Variants in MYG1 observed in about 807,000 individuals in gnomAD.
MYG1 encodes MYG1 exonuclease, also known as UPF0160 protein MYG1, mitochondrial.
MYG1 carries 36 observed loss-of-function variants against 43.5 expected under a neutral mutation model. That is an observed-to-expected ratio of 0.83 (90% CI 0.63 to 1.09). The LOEUF is 1.09. Among genes scored for constraint, MYG1 ranks in the 50% least tolerant of loss-of-function variants. The pLI is 0.00. For synonymous variants in MYG1, 220 were observed against 202.8 expected, an observed-to-expected ratio of 1.08 and a Z score of -0.72; for missense variants, 529 against 495.1, an observed-to-expected ratio of 1.07 and a Z score of -0.65.
At position 53,307,165 on chromosome 12, in the gene MYG1, C is replaced by T. The variant is rs1944294207; in HGVS notation, c.*16C>T. ...AATCTCCTAGTCTAATAAAACCTTC[C>T]ATCTCATACTGACCCAGTCCTTGAC... On this transcript the variant is annotated 3_prime_UTR_variant, in exon 7 of 7. Coordinates refer to ENST00000267103, the MANE Select transcript of MYG1 (RefSeq NM_021640.4). 1.3e-6 allele frequency: 2 copies of T among 1,592,892 alleles called. No homozygotes were observed. Among genetic ancestry groups the T allele is most frequent in the Admixed American group, 1.7e-5 (1 of 57,442 alleles).
intron 3 of MYG1, 200 bp downstream of exon 3, chr12:53,303,393 G>T: frequency 1.8e-6 from 1 of 564,418 alleles, no homozygotes; most frequent in Non-Finnish European, 3.0e-6. Context: ...TGGGGTGGTT[G>T]TGAGAAGTGG....
At position 53,306,842 on chromosome 12, in the gene MYG1, C is replaced by A. The variant is rs1485903091; in HGVS notation, c.928C>A (p.Pro310Thr). Residue 310 changes from proline (P) to threonine (T), a missense_variant, in exon 6 of 7, where the codon CCC becomes ACC. Coordinates refer to ENST00000267103, the MANE Select transcript of MYG1 (RefSeq NM_021640.4). ...QWRIQCVPKE[P>T]HSFQSRLPLP... ...GCGAATACAGTGTGTGCCCAAGGAG[C>A]CCCACTCATTCCAAAGCCGGTGAGG... 1 of 1,613,426 alleles carries A rather than the reference C, an allele frequency of 6.2e-7. No homozygotes were observed. Among genetic ancestry groups the A allele is most frequent in the Non-Finnish European group, 8.5e-7 (1 of 1,179,608 alleles).
chr12:53,304,895 G>A (rs533110437), intron 3 of MYG1, among the ~76,000 whole-genome samples: 3 of 124,168 alleles, frequency 2.4e-5, no homozygotes, highest in Non-Finnish European at 4.8e-5. Flanking sequence ...TTGAGACGGA[G>A]TCTCGCTCTG....
intron 5 of MYG1, 24 bp from the exon 6 acceptor site, chr12:53,306,656 C>A (rs1454812438): frequency 6.2e-7 from 1 of 1,602,238 alleles, no homozygotes. Flanking sequence ...CTTAAACCTT[C>A]TAGCTATGCT....
Position 53,305,981 on chromosome 12 carries a change from G to T in MYG1, c.563G>T (p.Arg188Leu). 5 of 1,614,044 alleles carry T rather than the reference G, an allele frequency of 3.1e-6. No homozygotes were observed. The highest frequency in any genetic ancestry group is 4.2e-6 in the Non-Finnish European group (5 of 1,180,002). ...TCCCAGTGGGCAGAGGGGGAGCCTC[G>T]ATATGCACTGACCACTACCCTGAGT... ...GISQWAEGEP[R>L]YALTTTLSAR... Residue 188 changes from arginine to leucine, a missense_variant, in exon 4 of 7, where the codon CGA becomes CTA. Transcript: ENST00000267103.
rs1944215034 is a variant in MYG1, at chr12:53,300,131, AC to A, written c.217-15del. 1 of 1,575,004 alleles carries A rather than the reference AC, an allele frequency of 6.3e-7. No homozygotes were observed. On this transcript the variant is annotated intron_variant, in intron 1 of 6. Coordinates refer to ENST00000267103, the MANE Select transcript of MYG1 (RefSeq NM_021640.4). The stretch of plus-strand genomic sequence containing the variant: ...CCCGGCGACACCCGGCAGCCCCTTC[AC>A]CCCTGTGTACCTCGCAGGATGCAGA...
chr12:53,304,970 G>A (rs995200007), intron 3 of MYG1, among the ~76,000 whole-genome samples: 3 of 148,196 alleles, frequency 2.0e-5, no homozygotes, highest in African/African-American at 7.5e-5. Context: ...CCAGGTTCAC[G>A]CCATTGTCCT....
rs1407897046 is a variant in MYG1, at chr12:53,306,948, C to T, written c.948-18C>T. 2.5e-6 allele frequency: 4 copies of T among 1,611,622 alleles called. No homozygotes were observed. Among genetic ancestry groups the T allele is most frequent in the Non-Finnish European group, 3.4e-6 (4 of 1,178,588 alleles). On this transcript the variant is annotated intron_variant, in intron 6 of 6. Transcript: ENST00000267103. ...GCTGCCAACTCTGACCCCTGCTGTA[C>T]TCCCTCTTTCTGCCCAGGCTGCCCC... is the stretch of plus-strand genomic sequence containing the variant.
Position 53,300,356 on chromosome 12 carries a change from A to G in MYG1, c.329+94A>G, listed in dbSNP as rs57820124. ...TCCACTGCCGTAGTCCGCGTCAGCGAAAAGAACTGCTTCATCACTGAAATC... is the reference window on the plus strand; with the variant it reads ...TCCACTGCCGTAGTCCGCGTCAGCGGAAAGAACTGCTTCATCACTGAAATC... On this transcript the variant is annotated intron_variant, in intron 2 of 6. Transcript: ENST00000267103. 2.2e-3 allele frequency: 1,994 copies of G among 920,424 alleles called. 23 individuals are homozygous for G. In the African/African-American group the frequency reaches 0.025, roughly 12 times the overall value. 57.0% of individuals were successfully genotyped at this position (920,424 alleles called of 1,614,324 possible).
At position 53,299,753 on chromosome 12, in the gene MYG1, C is replaced by T. The variant is rs1944207306; in HGVS notation, c.16C>T (p.Leu6=). 1.2e-6 allele frequency: 2 copies of T among 1,613,612 alleles called. No individual in the cohort carries two copies. The highest frequency in any genetic ancestry group is 1.7e-6 in the Non-Finnish European group (2 of 1,179,832). The change falls in exon 1 of 7, where the codon CTG becomes TTG. Residue 6 remains leucine (L), a synonymous_variant. Coordinates refer to ENST00000267103, the MANE Select transcript of MYG1 (RefSeq NM_021640.4). MGHQF[L]RGLLTLLLPP... ...GGAGCTGCTTATGGGACACCAATTC[C>T]TGCGCGGCCTCTTAACGCTGCTGCT...
chr12:53,305,164 G>A (rs1028059066), intron 3 of MYG1, among the ~76,000 whole-genome samples: 3 of 152,070 alleles, frequency 2.0e-5, no homozygotes, highest in African/African-American at 7.2e-5. Flanking sequence ...CACCGCGCCC[G>A]GCCTAAACCC....
At chr12:53,305,627 G>A (rs912243570) in intron 3 of MYG1, 2 of 276,556 alleles carry the variant, frequency 7.2e-6, no homozygotes, top group Admixed American at 4.9e-5. Context: ...TTGTTCAAAA[G>A]TTAGCAGTCC....
intron 1 of MYG1, 82 bp downstream of exon 1, chr12:53,300,035 C>T (rs1431396264): frequency 4.5e-6 from 7 of 1,561,230 alleles, no homozygotes; most frequent in Non-Finnish European, 5.2e-6. Flanking sequence ...AGGGTCACTC[C>T]GATAGCGCCC....
Position 53,300,213 on chromosome 12 carries a change from G to C in MYG1, c.280G>C (p.Val94Leu). Residue 94 changes from valine (V) to leucine (L), a missense_variant, in exon 2 of 7, where the codon GTG becomes CTG. Val to Leu is a conservative substitution (Grantham distance 32). Transcript: ENST00000267103. ...KLASCDIVVDVGGEYDPRRHR... is the reference protein window; with the variant it reads ...KLASCDIVVDLGGEYDPRRHR... ...CGCTTCCTGTGACATCGTGGTGGAC[G>C]TGGGGGGCGAGTACGACCCTCGGAG... The C allele has an allele frequency of 1.2e-6, 2 of 1,605,350 alleles. No homozygotes were observed. The highest frequency in any genetic ancestry group is 1.1e-5 in the South Asian group (1 of 89,916).
In MYG1 at chr12:53,306,245, G is replaced by C; in HGVS notation, c.690G>C (p.Gln230His). The C allele has an allele frequency of 6.2e-7, 1 of 1,614,280 alleles. No individual in the cohort carries two copies. The highest frequency in any genetic ancestry group is 8.5e-7 in the Non-Finnish European group (1 of 1,180,048). ...AMDLVQEEFL[Q>H]RLDFYQHSWL... is the part of the protein sequence containing the mutation. ...ATCTGGTTCAAGAGGAGTTTCTGCA[G>C]AGATTAGATTTCTACCAACACAGCT... Residue 230 changes from glutamine (Q) to histidine (H), a missense_variant, in exon 5 of 7, where the codon CAG becomes CAC. Gln to His is a conservative substitution (Grantham distance 24, BLOSUM62 0). Coordinates refer to ENST00000267103, the MANE Select transcript of MYG1 (RefSeq NM_021640.4).
In MYG1 at chr12:53,303,102, G is replaced by T; in HGVS notation, c.398G>T (p.Gly133Val). 6.2e-7 allele frequency: 1 copy of T among 1,614,154 alleles called. No individual in the cohort carries two copies. Among genetic ancestry groups the T allele is most frequent in the South Asian group, 1.1e-5 (1 of 91,084 alleles). ...TGGCAGACCAAGCTGAGCAGTGCGG[G>T]ACTCATCTATCTGCACTTCGGGCAC... ...KPWQTKLSSA[G>V]LIYLHFGHKL... Residue 133 changes from glycine to valine, a missense_variant, in exon 3 of 7, where the codon GGA becomes GTA. By Grantham distance (109) the Gly-to-Val change is moderately radical. Coordinates refer to ENST00000267103, the MANE Select transcript of MYG1 (RefSeq NM_021640.4).
Position 53,299,775 on chromosome 12 carries a change from T to C in MYG1, c.38T>C (p.Leu13Pro), listed in dbSNP as rs1383948298. 22 of 1,613,928 alleles carry C rather than the reference T, an allele frequency of 1.4e-5. No homozygotes were observed. The highest frequency in any genetic ancestry group is 1.8e-5 in the Non-Finnish European group (21 of 1,179,912). Residue 13 changes from leucine to proline, a missense_variant, in exon 1 of 7, where the codon CTG (leucine) becomes CCG (proline). Coordinates refer to ENST00000267103, the MANE Select transcript of MYG1 (RefSeq NM_021640.4). ...TTCCTGCGCGGCCTCTTAACGCTGCTGCTGCCGCCGCCACCCCTGTATACC... is the reference window on the plus strand; with the variant it reads ...TTCCTGCGCGGCCTCTTAACGCTGCCGCTGCCGCCGCCACCCCTGTATACC... ...HQFLRGLLTLLLPPPPLYTRH... is the reference protein window; with the variant it reads ...HQFLRGLLTLPLPPPPLYTRH...
chr12:53,302,161 T>G (rs1300732091), intron 2 of MYG1, among the ~76,000 whole-genome samples: 1 of 152,102 alleles, frequency 6.6e-6, no homozygotes, highest in African/African-American at 2.4e-5. Context: ...TTTCCATTCT[T>G]AGTAGAAACA....
At chr12:53,306,442 C>A in intron 5 of MYG1, 122 bp downstream of exon 5, 1 of 1,423,634 alleles carries the variant, frequency 7.0e-7, no homozygotes, top group South Asian at 1.3e-5. Context: ...CTCTTAGGCT[C>A]AAGCAGTCCT....
Sources: gnomAD v4.1 joint callset for allele counts (sites outside exome capture counted in the v4.1 genomes callset) on GRCh38, gnomAD v4.1.1 for gene constraint, MANE v1.5 for transcripts, NCBI Gene and HGNC (gene_info 2026-07-23, HGNC 2026-07-21) for gene names.